CUBN: variants seen among roughly 807,000 people sequenced by gnomAD.
The protein encoded by CUBN is cubilin, also known as 460 kDa receptor.
CUBN carries 282 observed loss-of-function variants against 405.3 expected under a neutral mutation model. That is an observed-to-expected ratio of 0.70 (90% confidence interval 0.63 to 0.77). The LOEUF is 0.77. CUBN is among the 30% of genes least tolerant of loss of function. The probability of loss-of-function intolerance (pLI) is 0.00; values close to 1 mark genes in which losing one functional copy is unlikely to be tolerated. For missense variants in CUBN, 4,514 were observed against 4,475.2 expected, an observed-to-expected ratio of 1.01 and a Z score of -0.25; for synonymous variants, 1,684 against 1,617.0, an observed-to-expected ratio of 1.04 and a Z score of -0.99.
chr10:17,079,657 T>A (rs1173663879), intron 17 of CUBN, among the ~76,000 whole-genome samples: 1 of 152,200 alleles, frequency 6.6e-6, no homozygotes, highest in African/African-American at 2.4e-5. Flanking sequence ...ACAATACTAT[T>A]CAGCCTATGT....
intron 22 of CUBN, among the ~76,000 whole-genome samples, chr10:17,063,174 G>T (rs1415974264): frequency 6.6e-6 from 1 of 152,156 alleles, no homozygotes; most frequent in Non-Finnish European, 1.5e-5. Context: ...CTCAGGTCTT[G>T]ATCTATGGGA....
chr10:16,901,477 A>T lies in CUBN; in HGVS notation c.8063-18T>A. On this transcript the variant is annotated intron_variant, in intron 51 of 66. Transcript: ENST00000377833. Reference sequence around the variant, plus strand: ...GCCACAATCTGAAATGAGATTGGTAACCCTCTCAATAAAACAGAAGTAAAA... The same window carrying T: ...GCCACAATCTGAAATGAGATTGGTATCCCTCTCAATAAAACAGAAGTAAAA... 1 of 1,613,962 alleles carries T rather than the reference A, an allele frequency of 6.2e-7. No individual in the cohort carries two copies. The highest frequency in any genetic ancestry group is 8.5e-7 in the Non-Finnish European group (1 of 1,179,886).
intron 52 of CUBN, among the ~76,000 whole-genome samples, chr10:16,901,101 G>C (rs1183551989): frequency 1.3e-5 from 2 of 152,062 alleles, no homozygotes; most frequent in African/African-American, 4.8e-5. Flanking sequence ...CTAAGACGCA[G>C]AATTATCTTC....
At chr10:16,976,520 G>T (rs529711547) in intron 31 of CUBN, among the ~76,000 whole-genome samples, 11 of 150,616 alleles carry the variant, frequency 7.3e-5, no homozygotes, top group African/African-American at 2.7e-4. Context: ...TTTTAGAAAA[G>T]TACGTCATTC....
At chr10:17,044,012 G>C in intron 25 of CUBN, 29 bp from the exon 26 acceptor site, 1 of 1,591,882 alleles carries the variant, frequency 6.3e-7, no homozygotes, top group Non-Finnish European at 8.6e-7. Flanking sequence ...AATGTTAGAT[G>C]GTTGAGACTA....
At chr10:16,881,572 A>G (rs1222578613) in intron 56 of CUBN, among the ~76,000 whole-genome samples, 1 of 152,210 alleles carries the variant, frequency 6.6e-6, no homozygotes, top group Non-Finnish European at 1.5e-5. Context: ...AACTAAACAA[A>G]TTATGTAAGA....
chr10:16,935,885 AAAAAAAAAAAAG>A (rs1454180144), intron 39 of CUBN, among the ~76,000 whole-genome samples: 4 of 150,748 alleles, frequency 2.7e-5, no homozygotes, highest in African/African-American at 4.9e-5. Flanking sequence ...ATCTCAAAAA[AAAAAAAAAAAAG>A]AAAAAAAAAA....
At chr10:17,037,364 C>T (rs1330253746) in intron 27 of CUBN, among the ~76,000 whole-genome samples, 1 of 152,112 alleles carries the variant, frequency 6.6e-6, no homozygotes, top group Non-Finnish European at 1.5e-5. Flanking sequence ...AAAATCAAAT[C>T]TGATTTATTA....
At chr10:17,093,245 G>A (rs1200010677) in intron 14 of CUBN, among the ~76,000 whole-genome samples, 2 of 152,116 alleles carry the variant, frequency 1.3e-5, no homozygotes, top group Non-Finnish European at 2.9e-5. Flanking sequence ...TCATTCCCAA[G>A]CTGCAAATGC....
intron 53 of CUBN, 112 bp from the exon 54 acceptor site, chr10:16,899,295 T>A (rs556497978): frequency 1.2e-6 from 1 of 832,688 alleles, no homozygotes; most frequent in South Asian, 1.4e-5. Flanking sequence ...TCATCATTTT[T>A]TACAAGTGAT....
At chr10:17,116,551 C>T (rs1420198687) in intron 6 of CUBN, among the ~76,000 whole-genome samples, 2 of 152,170 alleles carry the variant, frequency 1.3e-5, no homozygotes, top group Non-Finnish European at 1.5e-5. Context: ...AGGAACAGGG[C>T]GTGCCTGCGT....
intron 29 of CUBN, among the ~76,000 whole-genome samples, chr10:16,990,057 CCCT>C (rs1469332297): frequency 6.6e-6 from 1 of 152,238 alleles, no homozygotes; most frequent in Non-Finnish European, 1.5e-5. Context: ...TGCTGGTTCC[CCCT>C]CCTCCTTTCC....
intron 6 of CUBN, among the ~76,000 whole-genome samples, chr10:17,116,464 G>A (rs1043643533): frequency 6.6e-6 from 1 of 152,178 alleles, no homozygotes; most frequent in Non-Finnish European, 1.5e-5. Flanking sequence ...AGAGGTTGCC[G>A]ATTGCCGGAC....
intron 59 of CUBN, among the ~76,000 whole-genome samples, chr10:16,861,946 C>T (rs927323738): frequency 2.0e-5 from 3 of 151,996 alleles, no homozygotes; most frequent in South Asian, 2.1e-4. Flanking sequence ...GTCAGGAGTT[C>T]GAGACCAGCC....
chr10:17,109,753 C>A lies in CUBN; in HGVS notation c.1016-18G>T. 6.3e-7 allele frequency: 1 copy of A among 1,598,852 alleles called. No homozygotes were observed. Among genetic ancestry groups the A allele is most frequent in the Non-Finnish European group, 8.6e-7 (1 of 1,166,628 alleles). On this transcript the variant is annotated intron_variant, in intron 9 of 66. Transcript: ENST00000377833. ...CTGGTACCCTGATGAGAACAAGAGC[C>A]AGGTCATAAGAAACAATGTCAAGAA...
intron 54 of CUBN, among the ~76,000 whole-genome samples, chr10:16,893,365 T>C (rs551604271): frequency 4.6e-5 from 7 of 151,190 alleles, no homozygotes; most frequent in African/African-American, 1.7e-4. Context: ...TAACACCAAT[T>C]TTACTCAGTT....
chr10:16,830,798 A>C (rs2603807), intron 65 of CUBN, among the ~76,000 whole-genome samples: 2,055 of 152,130 alleles, frequency 0.014, 51 homozygotes, highest in African/African-American at 0.046. Context: ...AATAAATGTA[A>C]AATTTAAAGT....
Position 16,869,685 on chromosome 10 carries a change from A to G in CUBN, c.9405T>C (p.Asp3135=). The G allele has an allele frequency of 1.9e-6, 3 of 1,614,082 alleles. No homozygotes were observed. Among genetic ancestry groups the G allele is most frequent in the Non-Finnish European group, 1.7e-6 (2 of 1,180,000 alleles). Residue 3135 remains aspartate (D), a synonymous_variant, in exon 59 of 67, where the codon GAT becomes GAC. Coordinates refer to ENST00000377833, the MANE Select transcript of CUBN (RefSeq NM_001081.4). ...NNSMLLVFKT[D]SFQTAKGWKM... is the part of the protein sequence containing the mutation. ...TCCAGCCTTTTGCTGTCTGAAATGA[A>G]TCTGTCTTGAACACCAGGAGCATAC...
intron 34 of CUBN, among the ~76,000 whole-genome samples, chr10:16,949,104 T>C (rs1404604684): frequency 1.3e-5 from 2 of 152,234 alleles, no homozygotes; most frequent in Admixed American, 6.5e-5. Flanking sequence ...TAATGAAACC[T>C]ATCTCATAAG....
Sources: gnomAD v4.1 joint callset for allele counts (sites outside exome capture counted in the v4.1 genomes callset) on GRCh38, gnomAD v4.1.1 for gene constraint, MANE v1.5 for transcripts, NCBI Gene and HGNC (gene_info 2026-07-23, HGNC 2026-07-21) for gene names.